Variants in KIF5B observed in about 807,000 individuals in gnomAD.
KIF5B encodes kinesin family member 5B.
In KIF5B, 49 loss-of-function variants were observed where a neutral mutation model predicts 132.8. The ratio of observed to expected loss-of-function variants is 0.37; its 90% CI spans 0.29 to 0.47. The LOEUF (loss-of-function observed/expected upper bound fraction) is 0.47. Ranked by LOEUF, KIF5B falls within the 20% of genes least tolerant of loss-of-function variation. KIF5B has a pLI of 1.00. For missense variants in KIF5B, 780 were observed against 1,144.0 expected (o/e 0.68, Z 4.59); for synonymous variants, 355 against 369.4 (o/e 0.96, Z 0.45).
In KIF5B at chr10:32,018,142, A is replaced by G; in HGVS notation, c.2454T>C (p.Asp818=). 1 of 1,606,010 alleles carries G rather than the reference A, an allele frequency of 6.2e-7. No individual in the cohort carries two copies. Among genetic ancestry groups the G allele is most frequent in the Non-Finnish European group, 8.5e-7 (1 of 1,175,702 alleles). Reference sequence around the variant, plus strand: ...CAGCGCTGCCTCCGGTGTCATCAGAATCAATCTCAGCACTCTGAGAAAAGA... The same window carrying G: ...CAGCGCTGCCTCCGGTGTCATCAGAGTCAATCTCAGCACTCTGAGAAAAGA... The part of the protein sequence containing the change: ...ATRVKKSAEI[D]SDDTGGSAAQ... The change falls in exon 23 of 26, where the codon GAT becomes GAC. Residue 818 remains aspartate, a synonymous_variant. Coordinates refer to ENST00000302418, the MANE Select transcript of KIF5B (RefSeq NM_004521.3).
At chr10:32,037,701 C>G (rs562249389) in intron 6 of KIF5B, 94 bp from the exon 7 acceptor site, 2 of 865,690 alleles carry the variant, frequency 2.3e-6, no homozygotes, top group African/African-American at 3.4e-5. Flanking sequence ...GGCGCGGTGG[C>G]GGGTGCCTGT....
At chr10:32,054,691 T>C (rs1592457572) in intron 1 of KIF5B, among the ~76,000 whole-genome samples, 2 of 152,246 alleles carry the variant, frequency 1.3e-5, no homozygotes, top group South Asian at 2.1e-4. Context: ...TGTAGAAAGT[T>C]AGTTCTACTA....
rs771002605 is a variant in KIF5B, at chr10:32,048,456, A to C, written c.214+8T>G. The stretch of plus-strand genomic sequence containing the variant: ...GCTGAGACAACTCAGCAGGTTGAAT[A>C]TATTTACCTTTAACAATCTTCTTTG... On this transcript the variant is annotated splice_region_variant and intron_variant, in intron 2 of 25. Coordinates refer to ENST00000302418, the MANE Select transcript of KIF5B (RefSeq NM_004521.3). 13 of 1,583,342 alleles carry C rather than the reference A, an allele frequency of 8.2e-6. 1 individual carries two copies. The South Asian group carries it at 1.5e-4, about 18-fold the overall frequency.
chr10:32,049,929 TA>T (rs141040597), intron 1 of KIF5B, among the ~76,000 whole-genome samples: 31,354 of 151,502 alleles, frequency 0.21, 3,698 homozygotes, highest in East Asian at 0.38. Flanking sequence ...CTAAGAAAGT[TA>T]TTTTTTTTTT....
chr10:32,009,894 C>G lies in KIF5B; in HGVS notation c.*1643G>C, dbSNP rs1841050890. On this transcript the variant is annotated 3_prime_UTR_variant, in exon 26 of 26. Transcript: ENST00000302418. ...TGATCAATCCTAAAAGCAACACAAT[C>G]ATTTTAGAGGTTGCAGACTACAACA... 6.6e-6 allele frequency: 1 copy of G among 151,958 alleles called. No individual in the cohort carries two copies. The highest frequency in any genetic ancestry group is 1.5e-5 in the Non-Finnish European group (1 of 67,984). 9.4% of individuals were successfully genotyped at this position (151,958 alleles called of 1,614,324 possible).
rs765654068 is a variant in KIF5B, at chr10:32,022,910, T to G, written c.1852A>C (p.Ser618Arg). ...CKQLESTQTESNKKMEENEKE... is the reference protein window; with the variant it reads ...CKQLESTQTERNKKMEENEKE... Reference sequence around the variant, plus strand: ...TCATTTTCTTCCATTTTTTTGTTGCTCTCAGTTTGTGTGCTTTCTAACTGC... The same window carrying G: ...TCATTTTCTTCCATTTTTTTGTTGCGCTCAGTTTGTGTGCTTTCTAACTGC... The change falls in exon 16 of 26, where the codon AGC becomes CGC. Residue 618 changes from serine to arginine, a missense_variant. By Grantham distance (110) the Ser-to-Arg change is moderately radical. This residue lies in a region of KIF5B where 471 missense variants were observed against 569.9 expected (regional missense o/e 0.83). Coordinates refer to ENST00000302418, the MANE Select transcript of KIF5B (RefSeq NM_004521.3). 1 of 1,613,512 alleles carries G rather than the reference T, an allele frequency of 6.2e-7. No homozygotes were observed. The highest frequency in any genetic ancestry group is 8.5e-7 in the Non-Finnish European group (1 of 1,179,598).
At chr10:32,044,654 C>A (rs944947095) in intron 2 of KIF5B, among the ~76,000 whole-genome samples, 1 of 149,668 alleles carries the variant, frequency 6.7e-6, no homozygotes, top group Non-Finnish European at 1.5e-5. Context: ...CCAGCCTGGA[C>A]AACAAGAGCG....
intron 20 of KIF5B, among the ~76,000 whole-genome samples, chr10:32,018,895 T>C (rs1289912772): frequency 6.6e-6 from 1 of 152,092 alleles, no homozygotes; most frequent in East Asian, 1.9e-4. Context: ...GGGGTCTCAC[T>C]ATATTGCCTA....
intron 15 of KIF5B, among the ~76,000 whole-genome samples, 179 bp downstream of exon 15, chr10:32,028,249 G>T (rs562335958): frequency 1.3e-5 from 2 of 152,260 alleles, no homozygotes; most frequent in Admixed American, 1.3e-4. Context: ...ACCTATTTGG[G>T]TGCCCTTATT....
intron 2 of KIF5B, among the ~76,000 whole-genome samples, chr10:32,044,055 A>C (rs1841577376): frequency 6.6e-6 from 1 of 152,044 alleles, no homozygotes; most frequent in South Asian, 2.1e-4. Flanking sequence ...ACCTACCCCT[A>C]CGCCATCTTT....
intron 1 of KIF5B, among the ~76,000 whole-genome samples, chr10:32,050,767 A>G (rs1276774976): frequency 6.6e-6 from 1 of 152,242 alleles, no homozygotes; most frequent in Non-Finnish European, 1.5e-5. Context: ...CTTTTCTCAG[A>G]TGCTACTGAA....
chr10:32,033,754 C>T, intron 12 of KIF5B, 91 bp downstream of exon 12: 2 of 765,036 alleles, frequency 2.6e-6, no homozygotes, highest in South Asian at 1.8e-5. Context: ...CCTAAGTGCC[C>T]ACAGCACTGA....
intron 25 of KIF5B, among the ~76,000 whole-genome samples, chr10:32,012,899 A>ATTTTT (rs746066933): frequency 7.3e-6 from 1 of 136,518 alleles, no homozygotes; most frequent in Non-Finnish European, 1.6e-5. Flanking sequence ...AACTCATGTA[A>ATTTTT]TTTTTTTTTT....
chr10:32,032,214 T>C (rs1269486889), intron 13 of KIF5B, among the ~76,000 whole-genome samples: 1 of 152,110 alleles, frequency 6.6e-6, no homozygotes, highest in Non-Finnish European at 1.5e-5. Flanking sequence ...AAGGACAGAA[T>C]AACATAAATT....
intron 1 of KIF5B, among the ~76,000 whole-genome samples, chr10:32,053,801 A>G (rs1416172420): frequency 6.6e-6 from 1 of 152,128 alleles, no homozygotes; most frequent in South Asian, 2.1e-4. Context: ...CAGCTTACCT[A>G]AAGGTTAACT....
At position 32,035,896 on chromosome 10, in the gene KIF5B, C is replaced by G. The variant is rs969378841; in HGVS notation, c.810G>C (p.Glu270Asp). The change falls in exon 9 of 26, where the codon GAG becomes GAC. Residue 270 changes from glutamate to aspartate, a missense_variant. By Grantham distance (45) the Glu-to-Asp change is conservative (BLOSUM62 2). Around this residue, in one of 9 missense-constraint regions of KIF5B, gnomAD observed 15 missense variants for 65.0 expected, o/e 0.23. Coordinates refer to ENST00000302418, the MANE Select transcript of KIF5B (RefSeq NM_004521.3). Reference sequence around the variant, plus strand: ...AGAAGACATGTATACTCACACTACCCTCAGCCAAAGCAGAAATAACATTTC... The same window carrying G: ...AGAAGACATGTATACTCACACTACCGTCAGCCAAAGCAGAAATAACATTTC... ...ALGNVISALA[E>D]GSTYVPYRDS... The G allele has an allele frequency of 5.6e-6, 9 of 1,611,102 alleles. No homozygotes were observed.
intron 23 of KIF5B, among the ~76,000 whole-genome samples, chr10:32,017,702 G>A (rs1386568710): frequency 6.6e-6 from 1 of 152,066 alleles, no homozygotes; most frequent in Non-Finnish European, 1.5e-5. Flanking sequence ...ACACACTGGG[G>A]TATTAGGTAT....
intron 5 of KIF5B, 34 bp from the exon 6 acceptor site, chr10:32,038,252 C>G (rs370060129): frequency 7.5e-6 from 11 of 1,458,560 alleles, no homozygotes; most frequent in Non-Finnish European, 1.1e-5. Context: ...GCAACATTCT[C>G]CTAAAACTCT....
chr10:32,056,210 A>T lies in KIF5B; in HGVS notation c.-237T>A, dbSNP rs211300. On this transcript the variant is annotated 5_prime_UTR_variant, in exon 1 of 26. Coordinates refer to ENST00000302418, the MANE Select transcript of KIF5B (RefSeq NM_004521.3). ...CCATCATGGCAGCCATGGCGGCGGCAGCGGCGGCGGCACCGGGGAGAGCGT... is the reference window on the plus strand; with the variant it reads ...CCATCATGGCAGCCATGGCGGCGGCTGCGGCGGCGGCACCGGGGAGAGCGT... 7 of 493,814 alleles carry T rather than the reference A, an allele frequency of 1.4e-5. No individual in the cohort carries two copies. Among genetic ancestry groups the T allele is most frequent in the Non-Finnish European group, 2.1e-5 (6 of 284,084 alleles). The allele number at this position is 493,814 out of a possible 1,614,324, so 30.6% of individuals were successfully genotyped here. A position where few individuals can be genotyped will look rare whatever the true frequency, so the allele number is the denominator to read the frequency against.
Sources: allele counts gnomAD v4.1 joint callset (sites outside exome capture counted in the v4.1 genomes callset), GRCh38; gene constraint gnomAD v4.1.1; regional missense constraint gnomAD v4.1.1; transcripts MANE v1.5; gene names NCBI Gene and HGNC (gene_info 2026-07-23, HGNC 2026-07-21).